The following CTNNA2 variants were observed in gnomAD, a reference collection of about 807,000 sequenced individuals.
The protein encoded by CTNNA2 is catenin alpha 2.
A neutral mutation model predicts 101.0 loss-of-function variants in CTNNA2; 42 were observed. The observed-to-expected ratio is 0.42, with a 90% CI of 0.32 to 0.54. The LOEUF (loss-of-function observed/expected upper bound fraction) is 0.54. Among genes scored for constraint, CTNNA2 ranks in the 20% least tolerant of loss-of-function variants. The pLI, the probability that CTNNA2 is intolerant of heterozygous loss-of-function variation, is 0.14. For missense variants in CTNNA2, 871 were observed against 1,223.1 expected (o/e 0.71, Z 4.29); for synonymous variants, 450 against 456.4 (o/e 0.99, Z 0.18).
intron 7 of CTNNA2, among the ~76,000 whole-genome samples, chr2:79,946,881 C>T (rs947091173): frequency 2.6e-5 from 4 of 152,190 alleles, no homozygotes; most frequent in African/African-American, 9.6e-5. Context: ...AAACTGTTCA[C>T]AGCAATGGCC....
chr2:79,420,098 C>T (rs1384029010), intron 4 of CTNNA2, among the ~76,000 whole-genome samples: 4 of 152,134 alleles, frequency 2.6e-5, no homozygotes, highest in African/African-American at 9.7e-5. Flanking sequence ...GCTTCTGATT[C>T]CTCGCTGGCC....
At chr2:79,843,271 G>C (rs1047766077) in intron 3 of CTNNA2, among the ~76,000 whole-genome samples, 7 of 152,222 alleles carry the variant, frequency 4.6e-5, no homozygotes, top group Non-Finnish European at 8.8e-5. Flanking sequence ...TTGGAATTGT[G>C]TGTGGATAAC....
intron 2 of CTNNA2, among the ~76,000 whole-genome samples, chr2:79,301,947 G>C (rs1413450431): frequency 1.3e-5 from 2 of 151,880 alleles, no homozygotes; most frequent in East Asian, 3.9e-4. Flanking sequence ...AAAAAAATTA[G>C]CTGGGTGTGG....
chr2:80,067,005 C>T (rs959155439), intron 7 of CTNNA2, among the ~76,000 whole-genome samples: 3 of 151,930 alleles, frequency 2.0e-5, no homozygotes, highest in South Asian at 2.1e-4. Flanking sequence ...AAATATTGCA[C>T]GATCTCACTT....
intron 2 of CTNNA2, among the ~76,000 whole-genome samples, chr2:79,726,151 A>G (rs537837342): frequency 6.6e-6 from 1 of 152,338 alleles, no homozygotes; most frequent in East Asian, 1.9e-4. Flanking sequence ...TAGTTATTAG[A>G]AAACACTGAA....
intron 4 of CTNNA2, among the ~76,000 whole-genome samples, chr2:79,374,466 G>T (rs1450901319): frequency 1.3e-5 from 2 of 152,004 alleles, no homozygotes; most frequent in Non-Finnish European, 2.9e-5. Flanking sequence ...CCTTCCAGGG[G>T]AGAAGGGTTT....
chr2:80,646,006 T>C (rs926502985), intron 18 of CTNNA2, among the ~76,000 whole-genome samples: 5 of 152,108 alleles, frequency 3.3e-5, no homozygotes, highest in Non-Finnish European at 5.9e-5. Flanking sequence ...TAATTTAGCT[T>C]AAATAAGGGA....
chr2:79,231,458 A>G (rs916629139), intron 2 of CTNNA2, among the ~76,000 whole-genome samples: 9 of 152,238 alleles, frequency 5.9e-5, no homozygotes, highest in Non-Finnish European at 1.2e-4. Flanking sequence ...CTGTAAGTCC[A>G]GTTAAAATTA....
intron 18 of CTNNA2, among the ~76,000 whole-genome samples, chr2:80,645,922 C>T (rs1407621417): frequency 6.6e-6 from 1 of 152,078 alleles, no homozygotes; most frequent in Admixed American, 6.6e-5. Context: ...CCCCAATGGT[C>T]AGACTACAAG....
chr2:80,633,169 TC>T (rs1481570391), intron 18 of CTNNA2, among the ~76,000 whole-genome samples: 1 of 152,126 alleles, frequency 6.6e-6, no homozygotes. Flanking sequence ...CAGCCTCACA[TC>T]ATTTCGTGGT....
At chr2:79,329,978 C>T (rs935953103) in intron 3 of CTNNA2, among the ~76,000 whole-genome samples, 1 of 152,148 alleles carries the variant, frequency 6.6e-6, no homozygotes, top group Non-Finnish European at 1.5e-5. Flanking sequence ...TGACAGGCTT[C>T]AGGGATGAAA....
At chr2:80,170,249 T>TTGTG (rs1704969473) in intron 7 of CTNNA2, among the ~76,000 whole-genome samples, 6 of 148,752 alleles carry the variant, frequency 4.0e-5, no homozygotes, top group Admixed American at 4.0e-4. Context: ...GTGTGTGTGT[T>TTGTG]TGTGTGTGTG....
At position 79,835,496 on chromosome 2, in the gene CTNNA2, T is replaced by C. The variant is rs72916656; in HGVS notation, c.299-22517T>C. On this transcript the variant is annotated intron_variant, in intron 3 of 18. Coordinates refer to ENST00000402739, the MANE Select transcript of CTNNA2 (RefSeq NM_001282597.3). ...ATATTCCCCTAGCTTGGCTTGTTCA[T>C]TGGGCAATTGAGATTCTAATAGCTT... Among the ~76,000 whole-genome samples the C allele has an allele frequency of 2.6e-3, 390 of 152,092 alleles. 4 individuals are homozygous for C. The highest frequency in any genetic ancestry group is 7.9e-3 in the African/African-American group (328 of 41,490).
At chr2:79,956,138 A>G (rs1689208382) in intron 7 of CTNNA2, among the ~76,000 whole-genome samples, 1 of 152,144 alleles carries the variant, frequency 6.6e-6, no homozygotes, top group Non-Finnish European at 1.5e-5. Flanking sequence ...AGCCAGAGAG[A>G]GGTTGAATGG....
intron 6 of CTNNA2, among the ~76,000 whole-genome samples, chr2:79,876,948 A>G (rs1683069189): frequency 1.3e-5 from 2 of 152,060 alleles, no homozygotes; most frequent in African/African-American, 2.4e-5. Context: ...GATATATTTG[A>G]AACAGTTGGA....
intron 1 of CTNNA2, among the ~76,000 whole-genome samples, chr2:79,571,680 A>G (rs1675468696): frequency 2.0e-5 from 3 of 152,172 alleles, no homozygotes; most frequent in Admixed American, 2.0e-4. Flanking sequence ...AATTCCCCAT[A>G]GCCTGCAGGA....
In CTNNA2 at chr2:79,996,256, A is replaced by C. The variant is rs577219386; in HGVS notation, c.1056+86459A>C. On this transcript the variant is annotated intron_variant, in intron 7 of 18. Coordinates refer to ENST00000402739, the MANE Select transcript of CTNNA2 (RefSeq NM_001282597.3). ...ATTTTTGCAAATGTGTCCTTTAAACATAAGACAGAGCATGTTATTAGACAC... is the reference window on the plus strand; with the variant it reads ...ATTTTTGCAAATGTGTCCTTTAAACCTAAGACAGAGCATGTTATTAGACAC... 3.3e-5 allele frequency among the ~76,000 whole-genome samples: 5 copies of C among 152,352 alleles called. No individual in the cohort carries two copies. The South Asian group carries it at 1.0e-3, about 32-fold the overall frequency.
chr2:80,589,907 C>CGT (rs1553400698), intron 15 of CTNNA2, among the ~76,000 whole-genome samples: 60 of 120,846 alleles, frequency 5.0e-4, no homozygotes, highest in Middle Eastern at 4.6e-3. Flanking sequence ...TGTGTGTGTG[C>CGT]GCGCGCGCGC....
chr2:79,823,279 A>T (rs1033776097), intron 3 of CTNNA2, among the ~76,000 whole-genome samples: 16 of 152,190 alleles, frequency 1.1e-4, no homozygotes, highest in African/African-American at 3.6e-4. Context: ...AGATTGTAGG[A>T]TATTTGTGAA....
Sources: gnomAD v4.1 joint callset for allele counts (sites outside exome capture counted in the v4.1 genomes callset) on GRCh38, gnomAD v4.1.1 for gene constraint, MANE v1.5 for transcripts, NCBI Gene and HGNC (gene_info 2026-07-23, HGNC 2026-07-21) for gene names.